The following ATRNL1 variants were observed in gnomAD, a reference collection of about 807,000 sequenced individuals.
ATRNL1 encodes attractin-like protein 1.
ATRNL1 carries 95 observed loss-of-function variants against 182.7 expected under a neutral mutation model. The observed-to-expected ratio is 0.52, with a 90% confidence interval of 0.44 to 0.62. The LOEUF is 0.62. ATRNL1 is among the 20% of genes least tolerant of loss of function. ATRNL1 has a pLI of 0.00. For synonymous variants in ATRNL1, 576 were observed against 568.3 expected (o/e 1.01, Z -0.19); for missense variants, 1,471 against 1,679.5 (o/e 0.88, Z 2.17).
chr10:115,237,535 A>G (rs3098983), intron 9 of ATRNL1, among the ~76,000 whole-genome samples: 152,364 of 152,366 alleles, frequency 1, 76,181 homozygotes, highest in Non-Finnish European at 1. Flanking sequence ...GTCTTCTTAG[A>G]AAAGGTGTCT....
chr10:115,819,010 A>T (rs1167866340), intron 27 of ATRNL1, among the ~76,000 whole-genome samples: 4 of 151,992 alleles, frequency 2.6e-5, no homozygotes, highest in African/African-American at 9.7e-5. Flanking sequence ...TATCTACCTT[A>T]TCAGACGTCT....
At chr10:115,200,334 G>A (rs1293891833) in intron 8 of ATRNL1, among the ~76,000 whole-genome samples, 4 of 140,650 alleles carry the variant, frequency 2.8e-5, no homozygotes, top group South Asian at 2.3e-4. Flanking sequence ...CCATTAACTC[G>A]TCATTTAGCA....
chr10:115,565,202 A>C (rs981665276), intron 26 of ATRNL1, among the ~76,000 whole-genome samples: 1 of 152,104 alleles, frequency 6.6e-6, no homozygotes, highest in African/African-American at 2.4e-5. Flanking sequence ...AGTTTATAAC[A>C]GTAATATAAG....
chr10:115,738,818 A>G (rs991612502), intron 27 of ATRNL1, among the ~76,000 whole-genome samples: 1 of 152,126 alleles, frequency 6.6e-6, no homozygotes, highest in South Asian at 2.1e-4. Flanking sequence ...AGTTAATATA[A>G]TCTGAACTTT....
At chr10:115,846,993 TA>T (rs1950943814) in intron 27 of ATRNL1, among the ~76,000 whole-genome samples, 2 of 152,116 alleles carry the variant, frequency 1.3e-5, no homozygotes. Context: ...AACAACTTAA[TA>T]AAATACTAGC....
At chr10:115,336,559 T>G (rs1855490008) in intron 19 of ATRNL1, among the ~76,000 whole-genome samples, 1 of 152,204 alleles carries the variant, frequency 6.6e-6, no homozygotes, top group South Asian at 2.1e-4. Context: ...CTATGAGATG[T>G]TTTCATTCAC....
At chr10:115,681,444 G>T (rs369316295) in intron 26 of ATRNL1, among the ~76,000 whole-genome samples, 39 of 152,192 alleles carry the variant, frequency 2.6e-4, no homozygotes, top group African/African-American at 8.4e-4. Context: ...AAAACTGATA[G>T]CAGTAGGTTC....
rs563506223 is a variant in ATRNL1, at chr10:115,255,616, G to T, written c.1688-9577G>T. The stretch of plus-strand genomic sequence containing the variant: ...AATTTGACTTCCTCATTTCCTAATT[G>T]AATACCCTTTATTTCTTTCTCTTGC... On this transcript the variant is annotated intron_variant, in intron 10 of 28. Transcript: ENST00000355044. Among the ~76,000 whole-genome samples, 9 of 152,234 alleles carry T rather than the reference G, an allele frequency of 5.9e-5. No homozygotes were observed. In the East Asian group the frequency reaches 1.4e-3, roughly 23 times the overall value.
chr10:115,806,002 T>A (rs2134245534), intron 27 of ATRNL1, among the ~76,000 whole-genome samples: 1 of 152,274 alleles, frequency 6.6e-6, no homozygotes, highest in East Asian at 1.9e-4. Flanking sequence ...TTACTAACCA[T>A]TATATAAAAT....
intron 10 of ATRNL1, among the ~76,000 whole-genome samples, chr10:115,242,413 C>A (rs183213463): frequency 3.9e-5 from 6 of 151,912 alleles, no homozygotes; most frequent in Admixed American, 1.3e-4. Flanking sequence ...CCAGTAGACC[C>A]TTGTAGTGAA....
At chr10:115,742,722 T>C (rs540286739) in intron 27 of ATRNL1, among the ~76,000 whole-genome samples, 1 of 152,290 alleles carries the variant, frequency 6.6e-6, no homozygotes, top group South Asian at 2.1e-4. Flanking sequence ...TTACATTATC[T>C]TCCTTACTGG....
intron 25 of ATRNL1, among the ~76,000 whole-genome samples, chr10:115,535,480 T>C (rs1236197705): frequency 6.6e-6 from 1 of 150,476 alleles, no homozygotes; most frequent in African/African-American, 2.4e-5. Flanking sequence ...AGCACTTCTC[T>C]GTATTGGTTA....
intron 9 of ATRNL1, among the ~76,000 whole-genome samples, chr10:115,226,918 A>G (rs114665881): frequency 0.012 from 1,783 of 152,254 alleles, 32 homozygotes; most frequent in African/African-American, 0.04. Flanking sequence ...AACATATACA[A>G]AATCAACTCA....
At chr10:115,142,406 G>C (rs1345004104) in intron 5 of ATRNL1, among the ~76,000 whole-genome samples, 1 of 152,156 alleles carries the variant, frequency 6.6e-6, no homozygotes, top group Non-Finnish European at 1.5e-5. Context: ...TTGAATTACT[G>C]ATGGGGAGAT....
At chr10:115,902,489 G>C (rs1952385250) in intron 28 of ATRNL1, among the ~76,000 whole-genome samples, 1 of 152,040 alleles carries the variant, frequency 6.6e-6, no homozygotes, top group African/African-American at 2.4e-5. Context: ...TTCTCCCCTT[G>C]ATACACCAGA....
chr10:115,822,836 G>A (rs537951589), intron 27 of ATRNL1, among the ~76,000 whole-genome samples: 48 of 152,132 alleles, frequency 3.2e-4, no homozygotes, highest in Non-Finnish European at 4.4e-4. Flanking sequence ...GTTCACAGCC[G>A]AATTCTACCA....
At chr10:115,658,126 C>T (rs1339165591) in intron 26 of ATRNL1, among the ~76,000 whole-genome samples, 1 of 111,174 alleles carries the variant, frequency 9.0e-6, no homozygotes, top group African/African-American at 3.6e-5. Flanking sequence ...GATGGAGTCT[C>T]GCTCTGTCGC....
At chr10:115,922,344 C>T (rs1247563076) in intron 28 of ATRNL1, among the ~76,000 whole-genome samples, 1 of 152,102 alleles carries the variant, frequency 6.6e-6, no homozygotes, top group Non-Finnish European at 1.5e-5. Context: ...ATTTTCTGAT[C>T]ATGAGTAACC....
chr10:115,225,592 T>G (rs1450658372), intron 9 of ATRNL1, among the ~76,000 whole-genome samples: 2 of 150,414 alleles, frequency 1.3e-5, no homozygotes, highest in African/African-American at 4.8e-5. Context: ...AGTTTAAAAC[T>G]GATAATTTAA....
Sources: allele counts gnomAD v4.1 joint callset (sites outside exome capture counted in the v4.1 genomes callset), GRCh38; gene constraint gnomAD v4.1.1; transcripts MANE v1.5; gene names NCBI Gene and HGNC (gene_info 2026-07-23, HGNC 2026-07-21).